Variants in TMEM132D observed in about 807,000 individuals in gnomAD.
TMEM132D encodes the protein transmembrane protein 132D.
In TMEM132D, 21 loss-of-function variants were observed where a neutral mutation model predicts 62.3. The ratio of observed to expected loss-of-function variants is 0.34; its 90% CI spans 0.24 to 0.49. The LOEUF is 0.49. Among genes scored for constraint, TMEM132D ranks in the 20% least tolerant of loss-of-function variants. The pLI is 0.99. For missense variants in TMEM132D, 1,346 were observed against 1,402.8 expected, an observed-to-expected ratio of 0.96 and a Z score of 0.65; for synonymous variants, 621 against 575.6, an observed-to-expected ratio of 1.08 and a Z score of -1.13.
intron 3 of TMEM132D, among the ~76,000 whole-genome samples, chr12:129,423,100 T>C (rs1343080134): frequency 6.6e-6 from 1 of 151,942 alleles, no homozygotes. Context: ...TAGATATTTC[T>C]ATATATTTAC....
intron 3 of TMEM132D, among the ~76,000 whole-genome samples, chr12:129,508,568 C>G (rs749482723): frequency 6.6e-6 from 1 of 152,130 alleles, no homozygotes; most frequent in Non-Finnish European, 1.5e-5. Flanking sequence ...GACATCCTGC[C>G]TCATGACCGT....
At chr12:129,683,404 T>G (rs773792867) in intron 2 of TMEM132D, among the ~76,000 whole-genome samples, 1 of 152,200 alleles carries the variant, frequency 6.6e-6, no homozygotes, top group Non-Finnish European at 1.5e-5. Context: ...GCTTAAAAAA[T>G]TAAGCACTTA....
chr12:129,447,268 T>C (rs1566071391), intron 3 of TMEM132D, among the ~76,000 whole-genome samples: 1 of 152,240 alleles, frequency 6.6e-6, no homozygotes, highest in Non-Finnish European at 1.5e-5. Flanking sequence ...TAGGTCAGTC[T>C]TCTCACTTCA....
chr12:129,318,392 A>T (rs1278049710), intron 4 of TMEM132D, among the ~76,000 whole-genome samples: 2 of 152,030 alleles, frequency 1.3e-5, no homozygotes, highest in African/African-American at 2.4e-5. Context: ...TGTGAGCCAA[A>T]CTGCAGTGAT....
intron 3 of TMEM132D, among the ~76,000 whole-genome samples, chr12:129,404,801 G>A (rs889958797): frequency 2.6e-5 from 4 of 152,048 alleles, no homozygotes; most frequent in South Asian, 2.1e-4. Context: ...CTGTCCCCAC[G>A]ATCTGATCAC....
At chr12:129,487,642 A>C (rs1012752614) in intron 3 of TMEM132D, among the ~76,000 whole-genome samples, 5 of 151,992 alleles carry the variant, frequency 3.3e-5, no homozygotes, top group African/African-American at 1.2e-4. Flanking sequence ...GAAGTCATGG[A>C]GTCATGAGGG....
intron 1 of TMEM132D, among the ~76,000 whole-genome samples, chr12:129,808,505 G>C (rs944424580): frequency 6.6e-6 from 1 of 152,186 alleles, no homozygotes. Context: ...AGGAAGTCAC[G>C]TTATGAATGT....
intron 1 of TMEM132D, among the ~76,000 whole-genome samples, chr12:129,759,174 T>TC (rs1331330910): frequency 1.3e-5 from 2 of 152,128 alleles, no homozygotes; most frequent in Non-Finnish European, 2.9e-5. Flanking sequence ...CCTCAGGTGA[T>TC]CCACCTACCT....
chr12:129,275,162 C>T (rs1880971490), intron 4 of TMEM132D, among the ~76,000 whole-genome samples: 1 of 151,908 alleles, frequency 6.6e-6, no homozygotes, highest in Non-Finnish European at 1.5e-5. Flanking sequence ...CAGCTGTAAC[C>T]CCAGCTAATT....
intron 1 of TMEM132D, among the ~76,000 whole-genome samples, chr12:129,774,499 G>A (rs999565182): frequency 3.3e-5 from 5 of 152,148 alleles, no homozygotes; most frequent in Admixed American, 6.5e-5. Flanking sequence ...GCAGGTGGGG[G>A]GCCCGTTGCA....
intron 3 of TMEM132D, among the ~76,000 whole-genome samples, chr12:129,383,808 G>A (rs149257981): frequency 1.8e-3 from 275 of 152,260 alleles, no homozygotes; most frequent in Admixed American, 3.2e-3. Flanking sequence ...CTCACTGGGC[G>A]TCAGATTCAC....
At chr12:129,174,403 T>C (rs1052748203) in intron 5 of TMEM132D, among the ~76,000 whole-genome samples, 1 of 152,220 alleles carries the variant, frequency 6.6e-6, no homozygotes, top group African/African-American at 2.4e-5. Context: ...GCAAAGGACA[T>C]GATCTCATGT....
At chr12:129,795,530 G>T (rs1565987988) in intron 1 of TMEM132D, among the ~76,000 whole-genome samples, 1 of 152,206 alleles carries the variant, frequency 6.6e-6, no homozygotes, top group Non-Finnish European at 1.5e-5. Flanking sequence ...CAAACATCCT[G>T]CTAAATCCTG....
chr12:129,843,552 A>C (rs746607804), intron 1 of TMEM132D, among the ~76,000 whole-genome samples: 11 of 152,242 alleles, frequency 7.2e-5, no homozygotes, highest in Non-Finnish European at 1.6e-4. Context: ...AAGGATCAAA[A>C]TAACCTGCAG....
At chr12:129,415,569 T>C (rs1872092856) in intron 3 of TMEM132D, among the ~76,000 whole-genome samples, 1 of 152,252 alleles carries the variant, frequency 6.6e-6, no homozygotes, top group African/African-American at 2.4e-5. Context: ...GAACTGTGAC[T>C]CACAAGATGC....
intron 5 of TMEM132D, among the ~76,000 whole-genome samples, chr12:129,185,773 G>GTCTGTCTATCTA (rs796145548): frequency 9.3e-4 from 126 of 136,012 alleles, no homozygotes; most frequent in African/African-American, 2.5e-3. Flanking sequence ...CTGTCTGTCT[G>GTCTGTCTATCTA]TCTATCTATC....
At chr12:129,877,613 G>GCGCACACACACACACACACACA (rs1555238201) in intron 1 of TMEM132D, among the ~76,000 whole-genome samples, 1 of 144,308 alleles carries the variant, frequency 6.9e-6, no homozygotes, top group African/African-American at 2.6e-5. Context: ...GCGCGCGCGC[G>GCGCACACACACACACACACACA]CACACACACA....
rs1881360039 is a variant in TMEM132D, at chr12:129,700,473, A to G, written c.305T>C (p.Ile102Thr). Residue 102 changes from isoleucine to threonine, a missense_variant, in exon 2 of 9, where the codon ATC becomes ACC. Ile to Thr is a moderately conservative substitution (Grantham distance 89). Coordinates refer to ENST00000422113, the MANE Select transcript of TMEM132D (RefSeq NM_133448.3). ...TAAATCCTGGGGCACCACTTGCTCG[A>G]TGGAGAAAGGCCCGTAGCTGGCATT... is the stretch of plus-strand genomic sequence containing the variant. ...VLNASYGPFS[I>T]EQVVPQDLML... 3 of 1,614,148 alleles carry G rather than the reference A, an allele frequency of 1.9e-6. No homozygotes were observed. Among genetic ancestry groups the G allele is most frequent in the East Asian group, 4.5e-5 (2 of 44,856 alleles).
chr12:129,200,582 C>T (rs539334933), intron 5 of TMEM132D, among the ~76,000 whole-genome samples: 4 of 152,192 alleles, frequency 2.6e-5, no homozygotes, highest in South Asian at 2.1e-4. Context: ...AAAAGCTGAT[C>T]GGGAGTTATA....
Sources: gnomAD v4.1 joint callset for allele counts (sites outside exome capture counted in the v4.1 genomes callset) on GRCh38, gnomAD v4.1.1 for gene constraint, MANE v1.5 for transcripts, NCBI Gene and HGNC (gene_info 2026-07-23, HGNC 2026-07-21) for gene names.